SH3PXD2A: variants seen among roughly 807,000 people sequenced by gnomAD.
SH3PXD2A encodes SH3 and PX domain-containing protein 2A.
In SH3PXD2A, 32 loss-of-function variants were observed where a neutral mutation model predicts 115.2. That is an observed-to-expected ratio of 0.28 (90% CI 0.21 to 0.37). The LOEUF (loss-of-function observed/expected upper bound fraction) is 0.37. Ranked by LOEUF, SH3PXD2A falls within the 10% of genes least tolerant of loss-of-function variation. SH3PXD2A has a pLI of 1.00. For synonymous variants in SH3PXD2A, 610 were observed against 629.1 expected (o/e 0.97, Z 0.45); for missense variants, 1,328 against 1,498.7 (o/e 0.89, Z 1.88).
chr10:103,636,039 A>G (rs1197516172), intron 8 of SH3PXD2A, among the ~76,000 whole-genome samples: 1 of 152,236 alleles, frequency 6.6e-6, no homozygotes, highest in Non-Finnish European at 1.5e-5. Flanking sequence ...GAACCGGCCC[A>G]GCAGAGTCCA....
chr10:103,823,882 C>A (rs1258832963), intron 1 of SH3PXD2A, among the ~76,000 whole-genome samples: 5 of 152,160 alleles, frequency 3.3e-5, no homozygotes, highest in Non-Finnish European at 5.9e-5. Flanking sequence ...GCTGGGACAG[C>A]CATGCCAGGC....
At chr10:103,680,192 T>A (rs1564861974) in intron 6 of SH3PXD2A, among the ~76,000 whole-genome samples, 1 of 152,034 alleles carries the variant, frequency 6.6e-6, no homozygotes, top group African/African-American at 2.4e-5. Flanking sequence ...TTGGCCAGGC[T>A]GGTCTCAAAC....
intron 8 of SH3PXD2A, among the ~76,000 whole-genome samples, chr10:103,632,966 C>A (rs1344323880): frequency 1.3e-5 from 2 of 151,814 alleles, no homozygotes; most frequent in Admixed American, 1.3e-4. Context: ...GAGCGAGACT[C>A]TGTCTCAGAA....
At chr10:103,812,915 C>T (rs1185974067) in intron 1 of SH3PXD2A, among the ~76,000 whole-genome samples, 2 of 151,994 alleles carry the variant, frequency 1.3e-5, no homozygotes, top group Admixed American at 6.6e-5. Flanking sequence ...GCAATTTGAC[C>T]GCTAAGAATT....
Position 103,855,397 on chromosome 10 carries a change from G to A in SH3PXD2A, c.-131C>T. 2 of 593,352 alleles carry A rather than the reference G, an allele frequency of 3.4e-6. No homozygotes were observed. The highest frequency in any genetic ancestry group is 5.3e-6 in the Non-Finnish European group (2 of 379,960). The allele number at this position is 593,352 out of a possible 1,614,324, so 36.8% of individuals were successfully genotyped here. On this transcript the variant is annotated 5_prime_UTR_variant, in exon 1 of 15. Coordinates refer to ENST00000369774, the MANE Select transcript of SH3PXD2A (RefSeq NM_001394015.1). ...CGGCCCGGCGCGCCGAACGCTGCCCGGACTCCCGGCGCCCACAGGTCCGGC... is the reference window on the plus strand; with the variant it reads ...CGGCCCGGCGCGCCGAACGCTGCCCAGACTCCCGGCGCCCACAGGTCCGGC...
intron 5 of SH3PXD2A, among the ~76,000 whole-genome samples, chr10:103,705,600 C>T (rs1363411264): frequency 1.3e-5 from 2 of 152,172 alleles, no homozygotes; most frequent in Non-Finnish European, 2.9e-5. Flanking sequence ...CAAAGTAACA[C>T]AGCTTGTGAG....
rs1188469207 is a variant in SH3PXD2A, at chr10:103,627,947, A to G, written c.605-745T>C. ...CTTCCCTGACACTTCTTTGCCCCCA[A>G]AAGTGATTTGGTACTGATTCTCTTT... On this transcript the variant is annotated intron_variant, in intron 8 of 14. Coordinates refer to ENST00000369774, the MANE Select transcript of SH3PXD2A (RefSeq NM_001394015.1). The surrounding 1 kb of genome is among the most constrained non-coding windows in gnomAD (Gnocchi z 4.4). 6.6e-6 allele frequency among the ~76,000 whole-genome samples: 1 copy of G among 152,132 alleles called. No homozygotes were observed. Among genetic ancestry groups the G allele is most frequent in the African/African-American group, 2.4e-5 (1 of 41,428 alleles).
At position 103,600,833 on chromosome 10, in the gene SH3PXD2A, AAAAC is replaced by A. The variant is rs1320053686; in HGVS notation, c.*979_*982del. 1 of 149,258 alleles carries A rather than the reference AAAAC, an allele frequency of 6.7e-6. No individual in the cohort carries two copies. Among genetic ancestry groups the A allele is most frequent in the African/African-American group, 2.6e-5 (1 of 38,606 alleles). The allele number at this position is 149,258 out of a possible 1,614,324, so 9.2% of individuals were successfully genotyped here. On this transcript the variant is annotated 3_prime_UTR_variant, in exon 15 of 15. Coordinates refer to ENST00000369774, the MANE Select transcript of SH3PXD2A (RefSeq NM_001394015.1). ...TGTGGAGGGGGAAGAATGTGAAACA[AAAAC>A]AAAAGCAAAATCACCCGCCCACAAG...
intron 1 of SH3PXD2A, among the ~76,000 whole-genome samples, chr10:103,847,966 G>A (rs1444942042): frequency 2.0e-5 from 3 of 150,992 alleles, no homozygotes; most frequent in African/African-American, 7.4e-5. Context: ...ACTAAAACAA[G>A]TTCAGAGAGA....
intron 8 of SH3PXD2A, among the ~76,000 whole-genome samples, chr10:103,637,481 A>C (rs1275042877): frequency 1.3e-5 from 2 of 152,130 alleles, no homozygotes; most frequent in African/African-American, 4.8e-5. Flanking sequence ...TGGTGGAGCT[A>C]GGAAAAGAGG....
At chr10:103,654,118 G>C (rs1341009326) in intron 8 of SH3PXD2A, among the ~76,000 whole-genome samples, 2 of 152,068 alleles carry the variant, frequency 1.3e-5, no homozygotes, top group Non-Finnish European at 1.5e-5. Context: ...TCTGCACCAT[G>C]CAACAGGGCT....
intron 2 of SH3PXD2A, among the ~76,000 whole-genome samples, chr10:103,794,890 C>T (rs2039071758): frequency 6.6e-6 from 1 of 152,218 alleles, no homozygotes; most frequent in Non-Finnish European, 1.5e-5. Context: ...AGCCGCTGAG[C>T]TGAAAAGCCC....
intron 1 of SH3PXD2A, among the ~76,000 whole-genome samples, chr10:103,832,150 C>A (rs1403417319): frequency 6.6e-6 from 1 of 152,084 alleles, no homozygotes; most frequent in Non-Finnish European, 1.5e-5. Context: ...AGCAGCAGCC[C>A]CTAATGACTC....
At chr10:103,768,447 T>C (rs918665024) in intron 2 of SH3PXD2A, among the ~76,000 whole-genome samples, 9 of 152,258 alleles carry the variant, frequency 5.9e-5, no homozygotes, top group African/African-American at 2.2e-4. Flanking sequence ...GCAAGGCCGA[T>C]GTGGCTGGAG....
At chr10:103,638,654 A>G (rs989812364) in intron 8 of SH3PXD2A, among the ~76,000 whole-genome samples, 26 of 152,252 alleles carry the variant, frequency 1.7e-4, no homozygotes, top group African/African-American at 4.8e-4. Flanking sequence ...AAACCGACCC[A>G]AAGTACCCAC....
chr10:103,715,413 C>T (rs1030492007), intron 5 of SH3PXD2A, among the ~76,000 whole-genome samples: 5 of 152,204 alleles, frequency 3.3e-5, no homozygotes, highest in South Asian at 2.1e-4. Flanking sequence ...TTAGCCTACG[C>T]GGTCCCTGGC....
At chr10:103,667,519 C>G (rs538791168) in intron 7 of SH3PXD2A, among the ~76,000 whole-genome samples, 1 of 152,356 alleles carries the variant, frequency 6.6e-6, no homozygotes, top group South Asian at 2.1e-4. Flanking sequence ...GGCCCAGGCC[C>G]TCGTCACAGG....
At chr10:103,820,448 G>A (rs577662648) in intron 1 of SH3PXD2A, among the ~76,000 whole-genome samples, 18 of 152,290 alleles carry the variant, frequency 1.2e-4, no homozygotes, top group African/African-American at 3.6e-4. Flanking sequence ...CGGGCTTCCC[G>A]CCCCAATTCC....
At chr10:103,657,400 T>C (rs1177868325) in intron 8 of SH3PXD2A, among the ~76,000 whole-genome samples, 1 of 152,216 alleles carries the variant, frequency 6.6e-6, no homozygotes, top group Non-Finnish European at 1.5e-5. Context: ...AATGCAGTAT[T>C]TGAGGCAAAT....
Sources: gnomAD v4.1 joint callset for allele counts (sites outside exome capture counted in the v4.1 genomes callset) on GRCh38, gnomAD v4.1.1 for gene constraint, Gnocchi (gnomAD v3.1) non-coding constraint, MANE v1.5 for transcripts, NCBI Gene and HGNC (gene_info 2026-07-23, HGNC 2026-07-21) for gene names.